Variants in TANC1 observed in about 807,000 individuals in gnomAD.
TANC1 encodes the protein tetratricopeptide repeat, ankyrin repeat and coiled-coil containing 1, also known as protein TANC1.
In TANC1, 77 loss-of-function variants were observed where a neutral mutation model predicts 149.7. The ratio of observed to expected loss-of-function variants is 0.51; its 90% CI spans 0.43 to 0.62. The LOEUF (loss-of-function observed/expected upper bound fraction) is 0.62, where lower values mean the gene tolerates loss of function less well. Ranked by LOEUF, TANC1 falls within the 20% of genes least tolerant of loss-of-function variation. TANC1 has a pLI of 0.00. For synonymous variants in TANC1, 854 were observed against 925.0 expected (o/e 0.92, Z 1.39); for missense variants, 1,985 against 2,321.8 (o/e 0.85, Z 2.98).
At chr2:158,998,037 T>C (rs991328884) in intron 1 of TANC1, among the ~76,000 whole-genome samples, 1 of 152,150 alleles carries the variant, frequency 6.6e-6, no homozygotes, top group African/African-American at 2.4e-5. Flanking sequence ...TTTGGGAGAA[T>C]TGCTTGAGGC....
intron 14 of TANC1, among the ~76,000 whole-genome samples, chr2:159,184,996 A>G (rs911364491): frequency 1.3e-5 from 2 of 152,240 alleles, no homozygotes; most frequent in African/African-American, 4.8e-5. Context: ...TAGATTAGCA[A>G]CTACTAGGAG....
In TANC1 at chr2:159,178,639, C is replaced by T; in HGVS notation, c.1986C>T (p.Ala662=). Residue 662 remains alanine, a synonymous_variant, in exon 14 of 27, where the codon GCC becomes GCT. Transcript: ENST00000263635. The part of the protein sequence containing the change: ...DNKDIHSDLH[A]YVQHRVHSSQ... ...AAGACATCCACAGTGACCTGCACGC[C>T]TACGTCCAGCACAGGGTGCACAGCA... is the stretch of plus-strand genomic sequence containing the variant. 6.2e-7 allele frequency: 1 copy of T among 1,614,134 alleles called. No homozygotes were observed. Among genetic ancestry groups the T allele is most frequent in the East Asian group, 2.2e-5 (1 of 44,876 alleles).
At chr2:159,150,741 C>A in intron 7 of TANC1, 185 bp downstream of exon 7, 1 of 546,100 alleles carries the variant, frequency 1.8e-6, no homozygotes, top group Non-Finnish European at 3.3e-6. Context: ...CTTTTACATT[C>A]CTTGATGTTT....
chr2:159,090,535 G>A (rs759578197), intron 3 of TANC1, among the ~76,000 whole-genome samples: 8 of 152,274 alleles, frequency 5.3e-5, no homozygotes, highest in African/African-American at 1.7e-4. Context: ...GGAGGGTGTT[G>A]GAAACTGAAT....
intron 12 of TANC1, among the ~76,000 whole-genome samples, chr2:159,176,098 T>C (rs1039080353): frequency 6.6e-6 from 1 of 152,246 alleles, no homozygotes; most frequent in Admixed American, 6.5e-5. Context: ...AACTGTGTTA[T>C]ATACACGAGT....
chr2:159,005,453 T>C (rs1031835604), intron 2 of TANC1, among the ~76,000 whole-genome samples: 2 of 152,058 alleles, frequency 1.3e-5, no homozygotes, highest in Non-Finnish European at 1.5e-5. Flanking sequence ...TAGCTGGACA[T>C]GGTGGCTTGC....
At position 158,992,060 on chromosome 2, in the gene TANC1, GA is replaced by G. The variant is rs1050556798; in HGVS notation, c.-125-9016del. 1.9e-4 allele frequency among the ~76,000 whole-genome samples: 29 copies of G among 152,092 alleles called. 1 individual carries two copies. Among genetic ancestry groups the G allele is most frequent in the African/African-American group, 6.7e-4 (28 of 41,490 alleles). On this transcript the variant is annotated intron_variant, in intron 1 of 26. Transcript: ENST00000263635. ...GTTATGTAAAGTTTGGAAAGCGAGA[GA>G]AAAGAGTAATACACGTTTAGGCTGG...
chr2:159,004,278 C>A (rs1429631082), intron 2 of TANC1: 21 of 1,611,834 alleles, frequency 1.3e-5, no homozygotes, highest in Non-Finnish European at 1.7e-5. Context: ...TGTTCCAGAT[C>A]TTGTAGAAAA....
intron 24 of TANC1, 153 bp from the exon 25 acceptor site, chr2:159,227,666 A>G (rs1291711161): frequency 1.3e-6 from 1 of 772,238 alleles, no homozygotes; most frequent in Non-Finnish European, 2.1e-6. Context: ...CAGTTAGTGA[A>G]CTAGCTCCCA....
intron 16 of TANC1, among the ~76,000 whole-genome samples, chr2:159,187,700 C>T (rs2057110786): frequency 6.6e-6 from 1 of 152,174 alleles, no homozygotes; most frequent in Admixed American, 6.5e-5. Flanking sequence ...ACCCGGCTGC[C>T]TGTGGAAGCC....
chr2:159,061,768 AT>A (rs1382309518), intron 2 of TANC1, among the ~76,000 whole-genome samples: 2 of 152,216 alleles, frequency 1.3e-5, no homozygotes, highest in Non-Finnish European at 2.9e-5. Flanking sequence ...CCTCAAAAAT[AT>A]ATAATGGAAA....
intron 12 of TANC1, among the ~76,000 whole-genome samples, chr2:159,175,975 A>G (rs979823912): frequency 3.9e-5 from 6 of 152,118 alleles, no homozygotes; most frequent in Admixed American, 3.9e-4. Context: ...CCTTCCCTGG[A>G]ATCCACTGGG....
intron 4 of TANC1, among the ~76,000 whole-genome samples, chr2:159,115,361 C>T (rs1035453673): frequency 1.3e-5 from 2 of 152,094 alleles, no homozygotes; most frequent in African/African-American, 4.8e-5. Flanking sequence ...ACTGGGACTC[C>T]TTGAGTCAAA....
At chr2:159,035,264 G>A (rs2040094492) in intron 2 of TANC1, among the ~76,000 whole-genome samples, 1 of 151,994 alleles carries the variant, frequency 6.6e-6, no homozygotes, top group African/African-American at 2.4e-5. Context: ...CTATTGATGG[G>A]CATTTGAAAT....
intron 3 of TANC1, among the ~76,000 whole-genome samples, chr2:159,081,175 TC>T (rs2044235975): frequency 1.3e-5 from 2 of 152,214 alleles, no homozygotes; most frequent in Admixed American, 1.3e-4. Flanking sequence ...GGGAGGATTA[TC>T]TTCAGGAGAA....
chr2:159,150,592 A>G lies in TANC1; in HGVS notation c.682+36A>G, dbSNP rs748093083. The G allele has an allele frequency of 9.2e-6, 14 of 1,528,430 alleles. No homozygotes were observed. In the South Asian group the frequency reaches 1.4e-4, roughly 15 times the overall value. The allele number at this position is 1,528,430 out of a possible 1,614,324, so 94.7% of individuals were successfully genotyped here. ...CACTGCTCGGTAACATAATGGCTCGAATCTCATCAACCAGAGCATTCACCA... is the reference window on the plus strand; with the variant it reads ...CACTGCTCGGTAACATAATGGCTCGGATCTCATCAACCAGAGCATTCACCA... On this transcript the variant is annotated intron_variant, in intron 7 of 26. Transcript: ENST00000263635.
intron 1 of TANC1, among the ~76,000 whole-genome samples, chr2:158,978,470 T>C (rs184422386): frequency 2.4e-4 from 36 of 152,246 alleles, no homozygotes; most frequent in Non-Finnish European, 4.9e-4. Flanking sequence ...AAATGGGAGG[T>C]TCCATAGGAT....
intron 2 of TANC1, among the ~76,000 whole-genome samples, chr2:159,054,715 C>T (rs1214987516): frequency 6.6e-6 from 1 of 152,118 alleles, no homozygotes; most frequent in Non-Finnish European, 1.5e-5. Flanking sequence ...GATTGAGTGC[C>T]TTTTAACACT....
At chr2:159,227,697 C>A (rs2060098379) in intron 24 of TANC1, 122 bp from the exon 25 acceptor site, 4 of 1,085,100 alleles carry the variant, frequency 3.7e-6, no homozygotes, top group South Asian at 2.9e-5. Flanking sequence ...TGTTTGGATG[C>A]TTTCAATGTT....
Sources: gnomAD v4.1 joint callset for allele counts (sites outside exome capture counted in the v4.1 genomes callset) on GRCh38, gnomAD v4.1.1 for gene constraint, MANE v1.5 for transcripts, NCBI Gene and HGNC (gene_info 2026-07-23, HGNC 2026-07-21) for gene names.